The following MPP7 variants were observed in gnomAD, a reference collection of about 807,000 sequenced individuals.
MPP7 encodes the protein MAGUK p55 scaffold protein 7.
A neutral mutation model predicts 76.5 loss-of-function variants in MPP7; 60 were observed. That is an observed-to-expected ratio of 0.78 (90% CI 0.64 to 0.97). The LOEUF (loss-of-function observed/expected upper bound fraction) is 0.97, where lower values mean the gene tolerates loss of function less well. Among genes scored for constraint, MPP7 ranks in the 50% least tolerant of loss-of-function variants. The pLI, the probability that MPP7 is intolerant of heterozygous loss-of-function variation, is 0.00. For synonymous variants in MPP7, 237 were observed against 244.5 expected (o/e 0.97, Z 0.29); for missense variants, 641 against 694.0 (o/e 0.92, Z 0.86).
chr10:28,141,117 T>C (rs1835502902), intron 5 of MPP7, among the ~76,000 whole-genome samples: 1 of 152,112 alleles, frequency 6.6e-6, no homozygotes, highest in Non-Finnish European at 1.5e-5. Flanking sequence ...TGCAGTTATT[T>C]ATGCTAACAA....
chr10:28,281,672 C>T (rs1267112451), intron 1 of MPP7, among the ~76,000 whole-genome samples: 1 of 152,084 alleles, frequency 6.6e-6, no homozygotes, highest in African/African-American at 2.4e-5. Flanking sequence ...AGGCACTGCA[C>T]TAAATACTTC....
chr10:28,093,640 T>C (rs1016006268), intron 11 of MPP7, among the ~76,000 whole-genome samples: 11 of 151,972 alleles, frequency 7.2e-5, no homozygotes, highest in African/African-American at 2.2e-4. Context: ...AGAGATGGGG[T>C]TTCTCCATGT....
At chr10:28,059,916 C>T (rs79866904) in intron 13 of MPP7, among the ~76,000 whole-genome samples, 173 bp from the exon 14 acceptor site, 2,407 of 152,260 alleles carry the variant, frequency 0.016, 54 homozygotes, top group East Asian at 0.12. Flanking sequence ...AGATTTTCCA[C>T]TGTTATTAAA....
chr10:28,279,774 A>G (rs1052720544), intron 1 of MPP7, among the ~76,000 whole-genome samples: 1 of 152,024 alleles, frequency 6.6e-6, no homozygotes, highest in Non-Finnish European at 1.5e-5. Flanking sequence ...CAGGGATGTA[A>G]GTTTAAGGAC....
intron 3 of MPP7, among the ~76,000 whole-genome samples, chr10:28,166,119 AC>A (rs772461340): frequency 1.1e-4 from 16 of 151,606 alleles, no homozygotes; most frequent in Non-Finnish European, 1.2e-4. Flanking sequence ...ATCCTGATGT[AC>A]CTTAACTACA....
intron 3 of MPP7, among the ~76,000 whole-genome samples, chr10:28,192,953 G>A (rs1376017539): frequency 6.6e-6 from 1 of 152,164 alleles, no homozygotes; most frequent in African/African-American, 2.4e-5. Context: ...CCCAAAAATA[G>A]ACCCACAGAT....
chr10:28,097,997 A>G (rs900949586), intron 11 of MPP7, among the ~76,000 whole-genome samples: 2 of 152,210 alleles, frequency 1.3e-5, no homozygotes, highest in Non-Finnish European at 2.9e-5. Context: ...TCACTTTCAA[A>G]GCTATTTCTC....
chr10:28,244,300 T>C (rs1011957222), intron 1 of MPP7, among the ~76,000 whole-genome samples: 3 of 152,180 alleles, frequency 2.0e-5, no homozygotes, highest in Non-Finnish European at 4.4e-5. Context: ...ATCTATTTTG[T>C]TTTGTTGTGC....
chr10:28,188,604 G>A (rs1326287201), intron 3 of MPP7, among the ~76,000 whole-genome samples: 2 of 152,128 alleles, frequency 1.3e-5, no homozygotes, highest in East Asian at 3.9e-4. Flanking sequence ...GAGTGAAAAG[G>A]ACCAAAATAG....
Position 28,258,090 on chromosome 10 carries a change from C to A in MPP7, c.-131-19355G>T, listed in dbSNP as rs544588273. Among the ~76,000 whole-genome samples the A allele has an allele frequency of 4.0e-5, 6 of 151,844 alleles. No individual in the cohort carries two copies. In the South Asian group the frequency reaches 1.2e-3, roughly 32 times the overall value. On this transcript the variant is annotated intron_variant, in intron 1 of 16. Transcript: ENST00000683449. ...TATGCAGCTATTATTTCACACTTAA[C>A]CCACACCTTCTAAGGTAGGTTACAC...
At chr10:28,175,145 T>C (rs549851017) in intron 3 of MPP7, among the ~76,000 whole-genome samples, 2 of 152,082 alleles carry the variant, frequency 1.3e-5, no homozygotes, top group Admixed American at 6.5e-5. Flanking sequence ...CATAAATCAG[T>C]TGGGCGTGGT....
chr10:28,332,686 G>A (rs1445592204), intron 1 of MPP7, among the ~76,000 whole-genome samples: 1 of 152,020 alleles, frequency 6.6e-6, no homozygotes, highest in Non-Finnish European at 1.5e-5. Context: ...TTTTGAGATA[G>A]GGTCTCACTC....
upstream of MPP7, chr10:28,303,415 C>A (rs746170036): frequency 6.6e-6 from 1 of 152,202 alleles, no homozygotes; most frequent in Non-Finnish European, 1.5e-5. Context: ...GGTTCATTCG[C>A]CAGATGCGAG....
intron 5 of MPP7, among the ~76,000 whole-genome samples, chr10:28,143,854 G>GGTGT (rs1835609036): frequency 1.8e-5 from 2 of 113,402 alleles, no homozygotes; most frequent in African/African-American, 3.2e-5. Context: ...TCAATCGTGT[G>GGTGT]CTGTGTGTGT....
intron 5 of MPP7, among the ~76,000 whole-genome samples, chr10:28,144,210 T>C (rs191098391): frequency 1.3e-5 from 2 of 152,264 alleles, no homozygotes; most frequent in East Asian, 3.9e-4. Flanking sequence ...CTCCATTCAG[T>C]ATTGCATTTC....
intron 2 of MPP7, among the ~76,000 whole-genome samples, chr10:28,326,756 A>G (rs1241386109): frequency 6.6e-6 from 1 of 152,230 alleles, no homozygotes; most frequent in African/African-American, 2.4e-5. Flanking sequence ...TCTCAACAGC[A>G]AAGCCAAGTG....
At chr10:28,277,422 G>A (rs1041797946) in intron 1 of MPP7, among the ~76,000 whole-genome samples, 2 of 150,780 alleles carry the variant, frequency 1.3e-5, no homozygotes, top group Admixed American at 1.3e-4. Context: ...TCACAAAAAC[G>A]ATCTCCTAAT....
At chr10:28,177,196 C>G (rs1055605696) in intron 3 of MPP7, among the ~76,000 whole-genome samples, 6 of 141,478 alleles carry the variant, frequency 4.2e-5, no homozygotes, top group African/African-American at 1.6e-4. Context: ...GCAGGCAGAT[C>G]ATGAGGTCAT....
At chr10:28,220,671 T>C (rs956540879) in intron 2 of MPP7, among the ~76,000 whole-genome samples, 1 of 152,158 alleles carries the variant, frequency 6.6e-6, no homozygotes, top group Non-Finnish European at 1.5e-5. Context: ...TCAGGAAGTA[T>C]TGGTCATGGC....
Sources: gnomAD v4.1 joint callset for allele counts (sites outside exome capture counted in the v4.1 genomes callset) on GRCh38, gnomAD v4.1.1 for gene constraint, MANE v1.5 for transcripts, NCBI Gene and HGNC (gene_info 2026-07-23, HGNC 2026-07-21) for gene names.